Variants in SMARCA4 observed in about 807,000 individuals in gnomAD.
The protein encoded by SMARCA4 is SWI/SNF related BAF chromatin remodeling complex subunit ATPase 4.
SMARCA4 carries 31 observed loss-of-function variants against 193.9 expected under a neutral mutation model. That is an observed-to-expected ratio of 0.16 (90% CI 0.12 to 0.22). The LOEUF (loss-of-function observed/expected upper bound fraction) is 0.22, where lower values mean the gene tolerates loss of function less well. Ranked by LOEUF, SMARCA4 falls within the 10% of genes least tolerant of loss-of-function variation. The probability of loss-of-function intolerance (pLI) is 1.00; values close to 1 mark genes in which losing one functional copy is unlikely to be tolerated. For synonymous variants in SMARCA4, 942 were observed against 933.1 expected (o/e 1.01, Z -0.17); for missense variants, 1,148 against 2,296.0 (o/e 0.50, Z 10.22).
At chr19:10,965,464 T>C (rs2084141085) in intron 1 of SMARCA4, among the ~76,000 whole-genome samples, 1 of 152,234 alleles carries the variant, frequency 6.6e-6, no homozygotes, top group Non-Finnish European at 1.5e-5. Flanking sequence ...CTTTTTCCTC[T>C]AGTCATAAGT....
At chr19:11,048,542 T>G (rs1181105672) in intron 30 of SMARCA4, among the ~76,000 whole-genome samples, 1 of 152,224 alleles carries the variant, frequency 6.6e-6, no homozygotes, top group Non-Finnish European at 1.5e-5. Context: ...CGGGACGTTG[T>G]CCTCTGGATT....
rs1176831012 is a variant in SMARCA4 at position 11,031,548 on chromosome 19, C to T, written c.3546+655C>T. 1 of 159,130 alleles carries T rather than the reference C, an allele frequency of 6.3e-6. No homozygotes were observed. The highest frequency in any genetic ancestry group is 1.4e-5 in the Non-Finnish European group (1 of 71,798). 9.9% of individuals were successfully genotyped at this position (159,130 alleles called of 1,614,324 possible). A position where few individuals can be genotyped will look rare whatever the true frequency, so the allele number is the denominator to read the frequency against. On this transcript the variant is annotated intron_variant, in intron 25 of 34. Coordinates refer to ENST00000344626, the MANE Select transcript of SMARCA4 (RefSeq NM_003072.5). This position sits in a 1 kb window ranked among gnomAD's most constrained non-coding sequence, Gnocchi z 4.3. Reference sequence around the variant, plus strand: ...CTCTGCCAGCCCATCTGCCTTCGCACATGTATGTACTGAGATTAACACAGA... The same window carrying T: ...CTCTGCCAGCCCATCTGCCTTCGCATATGTATGTACTGAGATTAACACAGA...
intron 16 of SMARCA4, among the ~76,000 whole-genome samples, chr19:11,017,576 G>A (rs973552609): frequency 2.6e-5 from 4 of 152,246 alleles, no homozygotes; most frequent in Non-Finnish European, 4.4e-5. Flanking sequence ...TCCTGCCTCC[G>A]TTTGGACCTC....
chr19:11,014,310 C>T (rs1405324612), intron 16 of SMARCA4, among the ~76,000 whole-genome samples: 1 of 152,206 alleles, frequency 6.6e-6, no homozygotes, highest in Non-Finnish European at 1.5e-5. Context: ...GGCCTGACGT[C>T]CTGACTGTTG....
At chr19:10,974,396 A>G (rs1488830166) in intron 1 of SMARCA4, among the ~76,000 whole-genome samples, 2 of 151,142 alleles carry the variant, frequency 1.3e-5, no homozygotes, top group African/African-American at 2.4e-5. Flanking sequence ...TTATTTCCAC[A>G]AAGACACTTC....
chr19:11,026,278 C>T (rs776625323), intron 22 of SMARCA4, 22 bp from the exon 23 acceptor site: 2 of 1,610,624 alleles, frequency 1.2e-6, no homozygotes, highest in Non-Finnish European at 1.7e-6. Flanking sequence ...CTGTCACTGA[C>T]CCCTCTCTCC....
rs565101122 is a variant in SMARCA4, at chr19:11,019,958, G to A, written c.2616+257G>A. Among the ~76,000 whole-genome samples the A allele has an allele frequency of 1.3e-5, 2 of 152,168 alleles. No individual in the cohort carries two copies. The highest frequency in any genetic ancestry group is 4.8e-5 in the African/African-American group (2 of 41,440). ...CACAGCATGCGCTCTGCCTCCTCTC[G>A]GGCCTTCTGCCCAGAGAGCCTCAGC... On this transcript the variant is annotated intron_variant, in intron 18 of 34. Transcript: ENST00000344626. The surrounding 1 kb of genome is among the most constrained non-coding windows in gnomAD (Gnocchi z 6.1).
At chr19:11,038,653 T>C (rs1300213653) in intron 29 of SMARCA4, among the ~76,000 whole-genome samples, 1 of 152,114 alleles carries the variant, frequency 6.6e-6, no homozygotes, top group Non-Finnish European at 1.5e-5. Flanking sequence ...CTTCCAAGGG[T>C]AGGGGAAAGG....
At chr19:10,971,053 G>T (rs2084628682) in intron 1 of SMARCA4, among the ~76,000 whole-genome samples, 1 of 152,128 alleles carries the variant, frequency 6.6e-6, no homozygotes, top group Non-Finnish European at 1.5e-5. Flanking sequence ...AAAATTAGCT[G>T]GGCGTGGTGG....
rs1243671299 is a variant in SMARCA4, at chr19:11,034,161, G to A, written c.3912G>A (p.Gln1304=). 6.2e-7 allele frequency: 1 copy of A among 1,613,920 alleles called. No homozygotes were observed. The highest frequency in any genetic ancestry group is 1.1e-5 in the South Asian group (1 of 91,084). ...DEVPDDETVN[Q]MIARHEEEFD... ...TGCCCGACGACGAGACCGTCAACCA[G>A]ATGATCGCCCGGCACGAGGAGGAGT... Residue 1304 remains glutamine (Q), a synonymous_variant, in exon 28 of 35, where the codon CAG becomes CAA. Coordinates refer to ENST00000344626, the MANE Select transcript of SMARCA4 (RefSeq NM_003072.5). This position sits in a 1 kb window ranked among gnomAD's most constrained non-coding sequence, Gnocchi z 7.0.
chr19:10,995,059 T>C, intron 9 of SMARCA4, 58 bp downstream of exon 9: 1 of 1,488,220 alleles, frequency 6.7e-7, no homozygotes, highest in Non-Finnish European at 9.2e-7. Flanking sequence ...TACTGCGGGC[T>C]CCAGGGGTCA....
Position 10,987,889 on chromosome 19 carries a change from C to T in SMARCA4, c.1083C>T (p.Leu361=), listed in dbSNP as rs191312392. Residue 361 remains leucine, a synonymous_variant, in exon 6 of 35, where the codon CTC becomes CTT. Coordinates refer to ENST00000344626, the MANE Select transcript of SMARCA4 (RefSeq NM_003072.5). The surrounding 1 kb of genome is among the most constrained non-coding windows in gnomAD (Gnocchi z 5.3). ...CCCCCATCCAGAAGCCGCGGGGCCT[C>T]GACCCTGTGGAGATCCTGCAGGAGC... ...RITPIQKPRG[L]DPVEILQERE... 41 of 1,613,072 alleles carry T rather than the reference C, an allele frequency of 2.5e-5. No homozygotes were observed. In the African/African-American group the frequency reaches 3.1e-4, roughly 12 times the overall value.
intron 16 of SMARCA4, among the ~76,000 whole-genome samples, chr19:11,017,064 T>C (rs1226871593): frequency 2.6e-5 from 4 of 152,208 alleles, no homozygotes; most frequent in Admixed American, 1.3e-4. Flanking sequence ...TGATGCTTTG[T>C]GCACGTATCG....
Position 10,982,554 on chromosome 19 carries a change from C to T in SMARCA4, c.-31-1567C>T, listed in dbSNP as rs528949275. ...TTGCTCTGTCGCCCAGGCTGGAGTG[C>T]GGTGGCACGATCTCGGCTCACTGCA... On this transcript the variant is annotated intron_variant, in intron 1 of 34. Coordinates refer to ENST00000344626, the MANE Select transcript of SMARCA4 (RefSeq NM_003072.5). Among the ~76,000 whole-genome samples the T allele has an allele frequency of 6.7e-5, 10 of 148,808 alleles. No individual in the cohort carries two copies. The South Asian group carries it at 6.9e-4, about 10-fold the overall frequency.
chr19:11,045,653 T>C (rs1005430702), intron 30 of SMARCA4, among the ~76,000 whole-genome samples: 1 of 152,194 alleles, frequency 6.6e-6, no homozygotes, highest in Non-Finnish European at 1.5e-5. Flanking sequence ...TTTTTTTTTT[T>C]TTTAGTTTTA....
intron 30 of SMARCA4, among the ~76,000 whole-genome samples, chr19:11,055,315 G>C (rs1344099877): frequency 6.6e-6 from 1 of 152,154 alleles, no homozygotes; most frequent in Admixed American, 6.5e-5. Context: ...TCAGCCTCCC[G>C]AGTAGCTGGG....
At position 11,041,202 on chromosome 19, in the gene SMARCA4, G is replaced by A. The variant is rs963401774; in HGVS notation, c.4171-105G>A. ...GTCAAGCTGAAGGGAGAGCGGGTGCGGGGGCCCTCCTCCGTGTCCCAGCCC... is the reference window on the plus strand; with the variant it reads ...GTCAAGCTGAAGGGAGAGCGGGTGCAGGGGCCCTCCTCCGTGTCCCAGCCC... On this transcript the variant is annotated intron_variant, in intron 29 of 34. Coordinates refer to ENST00000344626, the MANE Select transcript of SMARCA4 (RefSeq NM_003072.5). The surrounding 1 kb of genome is among the most constrained non-coding windows in gnomAD (Gnocchi z 5.6). 2.2e-5 allele frequency: 27 copies of A among 1,241,034 alleles called. No homozygotes were observed. The highest frequency in any genetic ancestry group is 4.7e-5 in the East Asian group (2 of 42,784). 76.9% of individuals were successfully genotyped at this position (1,241,034 alleles called of 1,614,324 possible).
At chr19:10,973,529 T>C (rs534156257) in intron 1 of SMARCA4, among the ~76,000 whole-genome samples, 103 of 151,372 alleles carry the variant, frequency 6.8e-4, no homozygotes, top group African/African-American at 2.4e-3. Context: ...GCCTCCCGAG[T>C]AGCTGGGACT....
intron 1 of SMARCA4, among the ~76,000 whole-genome samples, chr19:10,973,832 A>C (rs1251165756): frequency 1.3e-5 from 2 of 151,894 alleles, no homozygotes; most frequent in African/African-American, 4.8e-5. Flanking sequence ...GGCCTCCCAA[A>C]GTGCTGGGAT....
Sources: allele counts gnomAD v4.1 joint callset (sites outside exome capture counted in the v4.1 genomes callset), GRCh38; gene constraint gnomAD v4.1.1; non-coding constraint Gnocchi (gnomAD v3.1); transcripts MANE v1.5; gene names NCBI Gene and HGNC (gene_info 2026-07-23, HGNC 2026-07-21).